The following CELF4 variants were observed in gnomAD, a reference collection of about 807,000 sequenced individuals.
CELF4 encodes CUGBP Elav-like family member 4, also known as CUG-BP- and ETR-3-like factor 4.
CELF4 carries 18 observed loss-of-function variants against 59.9 expected under a neutral mutation model. The ratio of observed to expected loss-of-function variants is 0.30; its 90% CI spans 0.21 to 0.45. The LOEUF is 0.45. CELF4 is among the 20% of genes least tolerant of loss of function. CELF4 has a pLI of 1.00. For synonymous variants in CELF4, 261 were observed against 267.1 expected (o/e 0.98, Z 0.22); for missense variants, 456 against 689.0 (o/e 0.66, Z 3.79).
At chr18:37,370,154 A>G (rs1013967763) in intron 2 of CELF4, among the ~76,000 whole-genome samples, 1 of 152,158 alleles carries the variant, frequency 6.6e-6, no homozygotes, top group African/African-American at 2.4e-5. Flanking sequence ...CCAGCTTCCA[A>G]TCCAATAGGT....
At position 37,246,229 on chromosome 18, in the gene CELF4, T is replaced by C. The variant is rs1306945885; in HGVS notation, c.*45-1032A>G. Among the ~76,000 whole-genome samples the C allele has an allele frequency of 6.6e-6, 1 of 152,208 alleles. No individual in the cohort carries two copies. Among genetic ancestry groups the C allele is most frequent in the Non-Finnish European group, 1.5e-5 (1 of 68,038 alleles). ...TATATCAATCCATGCTGGCAGGTTT[T>C]TCACACTGTTGATTCAACAAACAGC... On this transcript the variant is annotated intron_variant, in intron 12 of 12. Coordinates refer to ENST00000420428, the MANE Select transcript of CELF4 (RefSeq NM_020180.4). This position sits in a 1 kb window ranked among gnomAD's most constrained non-coding sequence, Gnocchi z 5.3.
chr18:37,489,278 G>A (rs1353070845), intron 1 of CELF4, among the ~76,000 whole-genome samples: 1 of 152,266 alleles, frequency 6.6e-6, no homozygotes, highest in Admixed American at 6.5e-5. Flanking sequence ...TGACTCCGGG[G>A]TTCAAAAGAA....
intron 1 of CELF4, among the ~76,000 whole-genome samples, chr18:37,502,322 G>T (rs2099932741): frequency 6.6e-6 from 1 of 151,988 alleles, no homozygotes; most frequent in Admixed American, 6.6e-5. Flanking sequence ...TTTCTACTGG[G>T]AACCGACAGC....
chr18:37,538,402 C>A (rs2099975316), intron 1 of CELF4, among the ~76,000 whole-genome samples: 1 of 152,170 alleles, frequency 6.6e-6, no homozygotes, highest in Non-Finnish European at 1.5e-5. Context: ...TGTGTGTAAT[C>A]CTCTCCCGAG....
intron 3 of CELF4, among the ~76,000 whole-genome samples, chr18:37,294,889 G>A (rs2095550533): frequency 6.6e-6 from 1 of 152,194 alleles, no homozygotes; most frequent in South Asian, 2.1e-4. Flanking sequence ...CCATCCTGAA[G>A]ACCAGCCTCT....
At chr18:37,464,509 A>G (rs940302339) in intron 2 of CELF4, among the ~76,000 whole-genome samples, 6 of 152,114 alleles carry the variant, frequency 3.9e-5, no homozygotes, top group African/African-American at 1.4e-4. Context: ...GTGAGCCCTC[A>G]GGGGAGACAT....
chr18:37,271,071 G>A (rs912671324), intron 7 of CELF4, among the ~76,000 whole-genome samples, 154 bp from the exon 8 acceptor site: 5 of 152,188 alleles, frequency 3.3e-5, no homozygotes, highest in Admixed American at 3.3e-4. Flanking sequence ...TATGACCCAT[G>A]CCTTGGCTTA....
chr18:37,275,681 G>A lies in CELF4; in HGVS notation c.449-438C>T, dbSNP rs184454328. Reference sequence around the variant, plus strand: ...AATCACAACTGGCGGGTCTGACTTCGGGCCTTTGCAGATGCTGTTCCCCTG... The same window carrying A: ...AATCACAACTGGCGGGTCTGACTTCAGGCCTTTGCAGATGCTGTTCCCCTG... On this transcript the variant is annotated intron_variant, in intron 3 of 12. Coordinates refer to ENST00000420428, the MANE Select transcript of CELF4 (RefSeq NM_020180.4). The A allele has an allele frequency of 7.2e-5, 13 of 181,214 alleles. No individual in the cohort carries two copies. In the East Asian group the frequency reaches 2.0e-3, roughly 28 times the overall value. The allele number at this position is 181,214 out of a possible 1,614,324, so 11.2% of individuals were successfully genotyped here.
At chr18:37,506,356 T>C (rs1203092023) in intron 1 of CELF4, among the ~76,000 whole-genome samples, 1 of 151,856 alleles carries the variant, frequency 6.6e-6, no homozygotes, top group Non-Finnish European at 1.5e-5. Flanking sequence ...TAGGGAGATG[T>C]GGAGATGTGG....
At chr18:37,542,476 C>A (rs2099978515) in intron 1 of CELF4, among the ~76,000 whole-genome samples, 1 of 152,206 alleles carries the variant, frequency 6.6e-6, no homozygotes, top group Non-Finnish European at 1.5e-5. Context: ...CGCTCTTCCC[C>A]AAGCGTACGA....
At chr18:37,455,071 A>G (rs901116192) in intron 2 of CELF4, among the ~76,000 whole-genome samples, 1 of 152,194 alleles carries the variant, frequency 6.6e-6, no homozygotes, top group Admixed American at 6.5e-5. Flanking sequence ...AAAAATCCAC[A>G]TTCAAATGTA....
intron 2 of CELF4, among the ~76,000 whole-genome samples, chr18:37,322,155 C>T (rs1316785200): frequency 4.6e-5 from 7 of 152,368 alleles, no homozygotes; most frequent in African/African-American, 1.2e-4. Flanking sequence ...GCAGCTCCTA[C>T]TAGCCTTTGA....
intron 2 of CELF4, among the ~76,000 whole-genome samples, chr18:37,402,094 A>T (rs947876778): frequency 4.6e-5 from 7 of 152,174 alleles, no homozygotes; most frequent in African/African-American, 1.7e-4. Flanking sequence ...AAACCCAGGC[A>T]TCTGGACTCT....
intron 1 of CELF4, among the ~76,000 whole-genome samples, chr18:37,518,022 C>T (rs538068738): frequency 2.0e-5 from 3 of 152,248 alleles, no homozygotes; most frequent in African/African-American, 7.2e-5. Context: ...CCTCTCAGGC[C>T]TCAAAAGCAC....
chr18:37,296,939 C>T (rs1023614943), intron 3 of CELF4, among the ~76,000 whole-genome samples: 37 of 152,290 alleles, frequency 2.4e-4, no homozygotes, highest in Non-Finnish European at 2.9e-4. Flanking sequence ...TTTTCCCACC[C>T]AGAGGCCTTA....
intron 3 of CELF4, among the ~76,000 whole-genome samples, chr18:37,286,625 G>C (rs934639498): frequency 1.3e-5 from 2 of 152,198 alleles, no homozygotes; most frequent in Non-Finnish European, 2.9e-5. Context: ...AACAGCAATA[G>C]AGAAGCTGCC....
At chr18:37,430,136 C>T (rs1375539833) in intron 2 of CELF4, among the ~76,000 whole-genome samples, 1 of 152,194 alleles carries the variant, frequency 6.6e-6, no homozygotes, top group Admixed American at 6.5e-5. Flanking sequence ...CTGCCATCCG[C>T]CACCCCACCT....
intron 2 of CELF4, among the ~76,000 whole-genome samples, chr18:37,361,713 T>A (rs2098705628): frequency 6.6e-6 from 1 of 152,088 alleles, no homozygotes; most frequent in Non-Finnish European, 1.5e-5. Flanking sequence ...AAGGGGTCAC[T>A]CCTGCTCATC....
downstream of CELF4, chr18:37,242,959 A>G (rs922643633): frequency 6.6e-6 from 1 of 152,234 alleles, no homozygotes; most frequent in Non-Finnish European, 1.5e-5. Context: ...AAGAGGACCA[A>G]AGCTACTTCC....
Sources: allele counts gnomAD v4.1 joint callset (sites outside exome capture counted in the v4.1 genomes callset), GRCh38; gene constraint gnomAD v4.1.1; non-coding constraint Gnocchi (gnomAD v3.1); transcripts MANE v1.5; gene names NCBI Gene and HGNC (gene_info 2026-07-23, HGNC 2026-07-21).